The following TENM4 variants were observed in gnomAD, a reference collection of about 807,000 sequenced individuals.
The protein encoded by TENM4 is teneurin-4.
TENM4 carries 82 observed loss-of-function variants against 243.3 expected under a neutral mutation model. The observed-to-expected ratio is 0.34, with a 90% CI of 0.28 to 0.40. TENM4 has a LOEUF of 0.40. Ranked by LOEUF, TENM4 falls within the 10% of genes least tolerant of loss-of-function variation. The pLI, the probability that TENM4 is intolerant of heterozygous loss-of-function variation, is 1.00. For missense variants in TENM4, 3,138 were observed against 3,673.3 expected, an observed-to-expected ratio of 0.85 and a Z score of 3.77; for synonymous variants, 1,412 against 1,456.3, an observed-to-expected ratio of 0.97 and a Z score of 0.69.
At chr11:78,936,783 G>C (rs968299898) in intron 6 of TENM4, among the ~76,000 whole-genome samples, 2 of 152,182 alleles carry the variant, frequency 1.3e-5, no homozygotes, top group African/African-American at 2.4e-5. Context: ...TAATCATCCT[G>C]TACTATTGCT....
In TENM4 at chr11:78,658,756, G is replaced by A. The variant is rs376296325; in HGVS notation, c.7612C>T (p.Arg2538Trp). The change falls in exon 34 of 34, where the codon CGG (arginine) becomes TGG (tryptophan). Residue 2538 changes from arginine to tryptophan, a missense_variant. By Grantham distance (101) the Arg-to-Trp change is moderately radical. Coordinates refer to ENST00000278550, the MANE Select transcript of TENM4 (RefSeq NM_001098816.3). ...KQLKAFVTLE[R>W]FDQLYGSTIT... Reference sequence around the variant, plus strand: ...GTGGAGCCATAGAGCTGGTCAAACCGTTCTAAGGTGACAAAGGCCTTGAGC... The same window carrying A: ...GTGGAGCCATAGAGCTGGTCAAACCATTCTAAGGTGACAAAGGCCTTGAGC... 1.3e-4 allele frequency: 205 copies of A among 1,613,860 alleles called. No individual in the cohort carries two copies. The highest frequency in any genetic ancestry group is 1.6e-4 in the Non-Finnish European group (184 of 1,179,900).
Position 78,854,168 on chromosome 11 carries a change from C to T in TENM4, c.1617G>A (p.Trp539Ter). ...TTCCGTCATTGTAAAAAGCCAAGTG[C>T]CAGATTCCTGAATCCAAATACTGGA... Reference protein sequence around the residue: ...GFIQYLDSGIWHLAFYNDGKE... With the variant: ...GFIQYLDSGI The change falls in exon 12 of 34, where the codon TGG becomes TGA. Residue 539 changes from tryptophan to a stop codon, truncating the protein, a stop_gained. Coordinates refer to ENST00000278550, the MANE Select transcript of TENM4 (RefSeq NM_001098816.3). LOFTEE classifies it high-confidence loss of function. 1 of 1,551,708 alleles carries T rather than the reference C, an allele frequency of 6.4e-7. No individual in the cohort carries two copies. Among genetic ancestry groups the T allele is most frequent in the Non-Finnish European group, 8.7e-7 (1 of 1,146,980 alleles).
At chr11:78,805,541 G>GTGAGGCT (rs1857372958) in intron 14 of TENM4, 49 bp from the exon 15 acceptor site, 1 of 1,542,646 alleles carries the variant, frequency 6.5e-7, no homozygotes, top group African/African-American at 1.4e-5. Context: ...ACCAGCAAAG[G>GTGAGGCT]TGAGGCTTCT....
chr11:79,059,789 T>C (rs1464220407), intron 6 of TENM4, among the ~76,000 whole-genome samples: 1 of 152,208 alleles, frequency 6.6e-6, no homozygotes, highest in African/African-American at 2.4e-5. Context: ...GATGTGCTCT[T>C]TTTAAAATGA....
chr11:78,906,609 G>T (rs1856068505), intron 6 of TENM4, among the ~76,000 whole-genome samples: 1 of 152,200 alleles, frequency 6.6e-6, no homozygotes, highest in Non-Finnish European at 1.5e-5. Context: ...TGTTTTCTAT[G>T]GGGACAAGGA....
chr11:78,826,007 A>G (rs765499718), intron 12 of TENM4, among the ~76,000 whole-genome samples: 2 of 151,606 alleles, frequency 1.3e-5, no homozygotes, highest in Non-Finnish European at 2.9e-5. Flanking sequence ...TTAGTCTCCA[A>G]TCATTTATCC....
intron 21 of TENM4, among the ~76,000 whole-genome samples, chr11:78,729,954 G>A (rs570050902): frequency 9.9e-5 from 15 of 152,236 alleles, no homozygotes; most frequent in African/African-American, 3.4e-4. Context: ...ACCTCACCTC[G>A]CCAAGCCTCA....
chr11:79,033,850 C>T (rs1859309134), intron 6 of TENM4, among the ~76,000 whole-genome samples: 1 of 152,150 alleles, frequency 6.6e-6, no homozygotes, highest in African/African-American at 2.4e-5. Context: ...TAAAAAGATA[C>T]AAATAAACTA....
chr11:78,883,259 C>T (rs576407362), intron 9 of TENM4, among the ~76,000 whole-genome samples: 1 of 147,764 alleles, frequency 6.8e-6, no homozygotes, highest in Non-Finnish European at 1.5e-5. Flanking sequence ...TCCCACTTTG[C>T]GTTTTTCAAC....
chr11:79,046,323 C>T (rs374099088), intron 6 of TENM4, among the ~76,000 whole-genome samples: 4 of 152,102 alleles, frequency 2.6e-5, no homozygotes, highest in Non-Finnish European at 4.4e-5. Context: ...TGTTACAGTT[C>T]ATGGAGCACC....
intron 3 of TENM4, among the ~76,000 whole-genome samples, chr11:79,159,705 G>A (rs1321949947): frequency 6.6e-6 from 1 of 152,098 alleles, no homozygotes; most frequent in Non-Finnish European, 1.5e-5. Context: ...TCTTGCTGCC[G>A]ATCGCATCTG....
chr11:78,704,807 AAG>A (rs1323690476), intron 27 of TENM4, among the ~76,000 whole-genome samples: 1 of 152,236 alleles, frequency 6.6e-6, no homozygotes, highest in East Asian at 1.9e-4. Context: ...CCAATGTAAA[AAG>A]AAACCCCAAT....
rs370159104 is a variant in TENM4, at chr11:78,669,035, T to G, written c.7310A>C (p.Lys2437Thr). The G allele has an allele frequency of 6.8e-6, 11 of 1,613,866 alleles. No homozygotes were observed. The highest frequency in any genetic ancestry group is 2.2e-5 in the South Asian group (2 of 91,080). The change falls in exon 32 of 34, where the codon AAG (lysine) becomes ACG (threonine). Residue 2437 changes from lysine to threonine, a missense_variant. Around this residue, in one of 2 missense-constraint regions of TENM4, gnomAD observed 2,467 missense variants for 3,059.1 expected, o/e 0.81. Coordinates refer to ENST00000278550, the MANE Select transcript of TENM4 (RefSeq NM_001098816.3). The surrounding 1 kb of genome is among the most constrained non-coding windows in gnomAD (Gnocchi z 6.4). Reference sequence around the variant, plus strand: ...CATGACGTTGCTGCTACTAAGGTGCTTCCACAGCTCGTGGTCTGGGCTAGT... The same window carrying G: ...CATGACGTTGCTGCTACTAAGGTGCGTCCACAGCTCGTGGTCTGGGCTAGT... ...RWTSPDHELWKHLSSSNVMPF... is the reference protein window; with the variant it reads ...RWTSPDHELWTHLSSSNVMPF...
chr11:79,256,551 A>G (rs942896641), intron 2 of TENM4, among the ~76,000 whole-genome samples: 4 of 152,242 alleles, frequency 2.6e-5, no homozygotes, highest in African/African-American at 9.6e-5. Context: ...GCAATCAGTG[A>G]GAATCTGCAA....
intron 6 of TENM4, among the ~76,000 whole-genome samples, chr11:79,003,831 T>C (rs923358471): frequency 1.3e-5 from 2 of 152,012 alleles, no homozygotes; most frequent in African/African-American, 4.8e-5. Context: ...GGATCAAATC[T>C]GCACATATCA....
chr11:78,883,294 A>C (rs765889342), intron 9 of TENM4, among the ~76,000 whole-genome samples: 19 of 151,958 alleles, frequency 1.3e-4, no homozygotes, highest in South Asian at 4.2e-4. Context: ...CCTGCACAAC[A>C]GCCTTATGAA....
At position 78,863,086 on chromosome 11, in the gene TENM4, C is replaced by T; in HGVS notation, c.1131G>A (p.Gly377=). 1 of 1,532,270 alleles carries T rather than the reference C, an allele frequency of 6.5e-7. No individual in the cohort carries two copies. The highest frequency in any genetic ancestry group is 8.8e-7 in the Non-Finnish European group (1 of 1,132,706). 94.9% of individuals were successfully genotyped at this position (1,532,270 alleles called of 1,614,324 possible). A position where few individuals can be genotyped will look rare whatever the true frequency, so the allele number is the denominator to read the frequency against. The change falls in exon 10 of 34, where the codon GGG becomes GGA. Residue 377 remains glycine (G), a synonymous_variant. Coordinates refer to ENST00000278550, the MANE Select transcript of TENM4 (RefSeq NM_001098816.3). Reference sequence around the variant, plus strand: ...TGTCCTCCGTGATCTCATACATCTGCCCCTCCATCGGCTGCAGGTGCCAGT... The same window carrying T: ...TGTCCTCCGTGATCTCATACATCTGTCCCTCCATCGGCTGCAGGTGCCAGT... ...GLNWHLQPME[G]QMYEITEDTA...
At chr11:79,108,407 C>T (rs1276732744) in intron 4 of TENM4, among the ~76,000 whole-genome samples, 1 of 152,174 alleles carries the variant, frequency 6.6e-6, no homozygotes, top group East Asian at 1.9e-4. Flanking sequence ...CTAGCTGACA[C>T]ATTTCAGACT....
intron 1 of TENM4, among the ~76,000 whole-genome samples, chr11:79,395,548 G>A (rs763785311): frequency 2.6e-5 from 4 of 152,208 alleles, no homozygotes; most frequent in African/African-American, 7.2e-5. Context: ...CACCAGCTCC[G>A]TGTTGTTGTT....
Sources: gnomAD v4.1 joint callset for allele counts (sites outside exome capture counted in the v4.1 genomes callset) on GRCh38, gnomAD v4.1.1 for gene constraint, gnomAD v4.1.1 regional missense constraint, Gnocchi (gnomAD v3.1) non-coding constraint, MANE v1.5 for transcripts, NCBI Gene and HGNC (gene_info 2026-07-23, HGNC 2026-07-21) for gene names.